Variants in SIPA1L2 observed in about 807,000 individuals in gnomAD.
SIPA1L2 encodes the protein signal-induced proliferation-associated 1-like protein 2.
A neutral mutation model predicts 163.9 loss-of-function variants in SIPA1L2; 56 were observed. The ratio of observed to expected loss-of-function variants is 0.34; its 90% CI spans 0.28 to 0.43. The LOEUF (loss-of-function observed/expected upper bound fraction) is 0.43, where lower values mean the gene tolerates loss of function less well. SIPA1L2 is among the 20% of genes least tolerant of loss of function. SIPA1L2 has a pLI of 1.00. For synonymous variants in SIPA1L2, 877 were observed against 865.7 expected, an observed-to-expected ratio of 1.01 and a Z score of -0.23; for missense variants, 1,974 against 2,193.5, an observed-to-expected ratio of 0.90 and a Z score of 2.00.
chr1:232,548,682 C>T (rs927112864), intron 2 of SIPA1L2, among the ~76,000 whole-genome samples: 1 of 152,172 alleles, frequency 6.6e-6, no homozygotes, highest in East Asian at 1.9e-4. Context: ...AAGAGGGACA[C>T]GGCAAGGCCT....
chr1:232,443,599 T>C lies in SIPA1L2; in HGVS notation c.3437+3A>G, dbSNP rs1663032567. On this transcript the variant is annotated splice_donor_region_variant and intron_variant, in intron 12 of 22. Coordinates refer to ENST00000674635, the MANE Select transcript of SIPA1L2 (RefSeq NM_020808.5). ...GGATAACTAAGATAAAAATGAACAG[T>C]ACCCGTCGTAGCCCACTTGTGGTCT... The C allele has an allele frequency of 6.3e-7, 1 of 1,591,948 alleles. No individual in the cohort carries two copies. The highest frequency in any genetic ancestry group is 1.8e-5 in the Admixed American group (1 of 56,290).
intron 9 of SIPA1L2, among the ~76,000 whole-genome samples, chr1:232,462,703 A>G (rs528026657): frequency 6.6e-6 from 1 of 152,360 alleles, no homozygotes; most frequent in East Asian, 1.9e-4. Flanking sequence ...TGTTCTAAGC[A>G]ATCCTATCAA....
rs548328002 is a variant in SIPA1L2, at chr1:232,504,875, G to A, written c.1483+8982C>T. Among the ~76,000 whole-genome samples, 3 of 152,338 alleles carry A rather than the reference G, an allele frequency of 2.0e-5. No individual in the cohort carries two copies. The East Asian group carries it at 5.8e-4, about 29-fold the overall frequency. ...CTCAAAGTCACAATCTGGTGGGACAGTGAGGATGCAAACCCAGACAGTCCG... is the reference window on the plus strand; with the variant it reads ...CTCAAAGTCACAATCTGGTGGGACAATGAGGATGCAAACCCAGACAGTCCG... On this transcript the variant is annotated intron_variant, in intron 3 of 22. Transcript: ENST00000674635.
chr1:232,534,292 G>A (rs949623629), intron 2 of SIPA1L2, among the ~76,000 whole-genome samples: 1 of 152,164 alleles, frequency 6.6e-6, no homozygotes, highest in Non-Finnish European at 1.5e-5. Context: ...ATGGGGAAAG[G>A]ACAGTCTTTT....
chr1:232,488,111 C>T (rs1020799555), intron 5 of SIPA1L2, among the ~76,000 whole-genome samples: 1 of 152,096 alleles, frequency 6.6e-6, no homozygotes, highest in Non-Finnish European at 1.5e-5. Flanking sequence ...CACCATCACA[C>T]CTGGCTAATT....
At chr1:232,584,358 G>C (rs539405640) in intron 1 of SIPA1L2, among the ~76,000 whole-genome samples, 15 of 152,300 alleles carry the variant, frequency 9.8e-5, no homozygotes, top group African/African-American at 3.4e-4. Flanking sequence ...CCGAGTAGAT[G>C]AGACTACAGG....
At chr1:232,488,842 T>C (rs1665780130) in intron 5 of SIPA1L2, among the ~76,000 whole-genome samples, 1 of 152,212 alleles carries the variant, frequency 6.6e-6, no homozygotes, top group Non-Finnish European at 1.5e-5. Flanking sequence ...TAGGGGGCCA[T>C]CAAAAGTTTT....
At chr1:232,550,176 T>C (rs979952871) in intron 2 of SIPA1L2, among the ~76,000 whole-genome samples, 2 of 152,236 alleles carry the variant, frequency 1.3e-5, no homozygotes, top group African/African-American at 2.4e-5. Context: ...GGCATCTTGC[T>C]ATATTCAAAG....
At chr1:232,491,544 C>G (rs1665930262) in intron 4 of SIPA1L2, among the ~76,000 whole-genome samples, 1 of 152,156 alleles carries the variant, frequency 6.6e-6, no homozygotes, top group Non-Finnish European at 1.5e-5. Flanking sequence ...AACAGGGGAG[C>G]AGCAGCCAGT....
intron 1 of SIPA1L2, among the ~76,000 whole-genome samples, chr1:232,606,754 G>C (rs1473007980): frequency 6.6e-6 from 1 of 151,506 alleles, no homozygotes; most frequent in Non-Finnish European, 1.5e-5. Context: ...AAAGAAAGTT[G>C]TCAGAAGGTT....
intron 1 of SIPA1L2, among the ~76,000 whole-genome samples, chr1:232,617,741 C>T (rs1241297080): frequency 1.3e-5 from 2 of 152,088 alleles, no homozygotes; most frequent in African/African-American, 2.4e-5. Context: ...GTGGGAGAAA[C>T]ATTTCACATC....
chr1:232,604,911 G>C (rs6682707), intron 1 of SIPA1L2, among the ~76,000 whole-genome samples: 115,248 of 151,952 alleles, frequency 0.76, 43,805 homozygotes, highest in East Asian at 0.84. Flanking sequence ...AGAAGCCAAG[G>C]AGATGGCCAG....
intron 5 of SIPA1L2, among the ~76,000 whole-genome samples, chr1:232,488,548 T>G (rs538303881): frequency 6.6e-6 from 1 of 152,224 alleles, no homozygotes; most frequent in Non-Finnish European, 1.5e-5. Context: ...GGAGTTAAAA[T>G]GGCACAGTGT....
In SIPA1L2 at chr1:232,445,646, C is replaced by G. The variant is rs768415530; in HGVS notation, c.3236G>C (p.Arg1079Thr). 4 of 1,613,790 alleles carry G rather than the reference C, an allele frequency of 2.5e-6. No homozygotes were observed. Among genetic ancestry groups the G allele is most frequent in the Non-Finnish European group, 3.4e-6 (4 of 1,179,920 alleles). The change falls in exon 11 of 23, where the codon AGA becomes ACA. Residue 1079 changes from arginine to threonine, a missense_variant. Arg to Thr is a moderately conservative substitution (Grantham distance 71). Around this residue, in one of 3 missense-constraint regions of SIPA1L2, gnomAD observed 1,079 missense variants for 1,150.7 expected, o/e 0.94. Transcript: ENST00000674635. ...GGGCGTGCCGGGGATGGGGGAAGCT[C>G]TAGAGAGGGGCTGCAGGGCAGGAGT... Reference protein sequence around the residue: ...VPTPALQPLSRASPIPGTPDR... With the variant: ...VPTPALQPLSTASPIPGTPDR...
intron 7 of SIPA1L2, among the ~76,000 whole-genome samples, chr1:232,474,435 A>G (rs1664937561): frequency 6.6e-6 from 1 of 152,226 alleles, no homozygotes; most frequent in Non-Finnish European, 1.5e-5. Context: ...GAAATACCAT[A>G]TATGGCCGTA....
intron 1 of SIPA1L2, among the ~76,000 whole-genome samples, chr1:232,575,394 C>T (rs952941778): frequency 1.3e-5 from 2 of 152,094 alleles, no homozygotes; most frequent in East Asian, 1.9e-4. Flanking sequence ...GGCTATGACT[C>T]GTCTTAGTTT....
At chr1:232,537,477 A>C (rs1233987902) in intron 2 of SIPA1L2, among the ~76,000 whole-genome samples, 1 of 152,120 alleles carries the variant, frequency 6.6e-6, no homozygotes, top group Non-Finnish European at 1.5e-5. Context: ...AATATACTAA[A>C]ATTCAAAAGA....
chr1:232,490,927 C>A lies in SIPA1L2; in HGVS notation c.1753G>T (p.Ala585Ser). The A allele has an allele frequency of 6.2e-7, 1 of 1,614,140 alleles. No homozygotes were observed. The change falls in exon 5 of 23, where the codon GCT (alanine) becomes TCT (serine). Residue 585 changes from alanine to serine, a missense_variant. This residue lies in a region of SIPA1L2 where 288 missense variants were observed against 418.9 expected (regional missense o/e 0.69). Coordinates refer to ENST00000674635, the MANE Select transcript of SIPA1L2 (RefSeq NM_020808.5). ...PELSIQCLRQ[A>S]SNSPKVSEQL... ...TCTGAGACCTTGGGTGAGTTGGAAG[C>A]CTGTCGCAAACACTGAATGCTCAGC...
At chr1:232,552,676 T>C (rs1573071456) in intron 2 of SIPA1L2, among the ~76,000 whole-genome samples, 1 of 152,314 alleles carries the variant, frequency 6.6e-6, no homozygotes, top group East Asian at 1.9e-4. Flanking sequence ...AGCCAATAAG[T>C]ATCTGTTGAA....
Sources: gnomAD v4.1 joint callset for allele counts (sites outside exome capture counted in the v4.1 genomes callset) on GRCh38, gnomAD v4.1.1 for gene constraint, gnomAD v4.1.1 regional missense constraint, MANE v1.5 for transcripts, NCBI Gene and HGNC (gene_info 2026-07-23, HGNC 2026-07-21) for gene names.